The following UBE2L3 variants were observed in gnomAD, a reference collection of about 807,000 sequenced individuals.
UBE2L3 encodes the protein ubiquitin conjugating enzyme E2 L3.
UBE2L3 carries 1 observed loss-of-function variant against 17.8 expected under a neutral mutation model. The ratio of observed to expected loss-of-function variants is 0.06; its 90% CI spans 0.02 to 0.27. The LOEUF is 0.27. UBE2L3 is among the 10% of genes least tolerant of loss of function. The probability of loss-of-function intolerance (pLI) is 1.00; values close to 1 mark genes in which losing one functional copy is unlikely to be tolerated. For missense variants in UBE2L3, 40 were observed against 192.6 expected (o/e 0.21, Z 4.69); for synonymous variants, 44 against 68.5 (o/e 0.64, Z 1.76).
At chr22:21,555,967 T>C (rs1926210339) in intron 1 of UBE2L3, among the ~76,000 whole-genome samples, 3 of 152,114 alleles carry the variant, frequency 2.0e-5, no homozygotes, top group Admixed American at 2.0e-4. Context: ...CAGAATGGTG[T>C]CTTAAGCCTG....
chr22:21,600,512 A>G (rs565525425), intron 2 of UBE2L3, among the ~76,000 whole-genome samples: 2 of 151,846 alleles, frequency 1.3e-5, no homozygotes, highest in South Asian at 2.1e-4. Context: ...CCTGGCCAAC[A>G]TGGCAAAACC....
chr22:21,598,878 T>C (rs1045621696), intron 2 of UBE2L3, among the ~76,000 whole-genome samples: 1 of 151,308 alleles, frequency 6.6e-6, no homozygotes, highest in Non-Finnish European at 1.5e-5. Flanking sequence ...AGTCACTCTG[T>C]CTCCCAGGCT....
intron 3 of UBE2L3, among the ~76,000 whole-genome samples, chr22:21,618,471 A>C (rs1030216600): frequency 9.2e-5 from 14 of 151,924 alleles, no homozygotes; most frequent in Non-Finnish European, 1.9e-4. Flanking sequence ...AGGCTGAGGC[A>C]GGAGAATGGC....
rs150947879 is a variant in UBE2L3 at position 21,567,956 on chromosome 22, G to A, written c.27+185G>A. 1,309 of 1,391,896 alleles carry A rather than the reference G, an allele frequency of 9.4e-4. 25 individuals carry two copies. The East Asian group carries it at 0.032, about 34-fold the overall frequency. 86.2% of individuals were successfully genotyped at this position (1,391,896 alleles called of 1,614,324 possible). ...GGCTGGCCTAGGCCGCAGCCTGGGC[G>A]GGAGCGCAAGGCCGCGCTGGGAGCC... On this transcript the variant is annotated intron_variant, in intron 1 of 3. Transcript: ENST00000342192.
chr22:21,563,494 G>A (rs1249139118), upstream of UBE2L3, among the ~76,000 whole-genome samples: 2 of 148,428 alleles, frequency 1.3e-5, no homozygotes, highest in African/African-American at 4.9e-5. Flanking sequence ...CCCGGGAGGC[G>A]GAGGTTGCAG....
At chr22:21,588,340 G>A (rs1338412954) in intron 1 of UBE2L3, among the ~76,000 whole-genome samples, 1 of 151,920 alleles carries the variant, frequency 6.6e-6, no homozygotes, top group African/African-American at 2.4e-5. Flanking sequence ...ACCATTCTCA[G>A]TTATCGGGGC....
At chr22:21,603,529 T>TA (rs780658850) in intron 2 of UBE2L3, among the ~76,000 whole-genome samples, 810 of 79,950 alleles carry the variant, frequency 0.01, 6 homozygotes, top group East Asian at 0.038. Context: ...GACTCTGTCT[T>TA]AAAAAAAAAA....
rs185828870 is a variant in UBE2L3 at position 21,579,785 on chromosome 22, A to T, written c.27+12014A>T. Reference sequence around the variant, plus strand: ...GACCCTGTCTCAGGGGGAAAAAAAAAAGTCATGATTTTAGTGTCATTGCTA... The same window carrying T: ...GACCCTGTCTCAGGGGGAAAAAAAATAGTCATGATTTTAGTGTCATTGCTA... On this transcript the variant is annotated intron_variant, in intron 1 of 3. Transcript: ENST00000342192. 2.6e-3 allele frequency among the ~76,000 whole-genome samples: 392 copies of T among 152,228 alleles called. 2 individuals carry two copies. Among genetic ancestry groups the T allele is most frequent in the South Asian group, 4.8e-3 (23 of 4,824 alleles).
chr22:21,557,465 A>C (rs780388594), intron 1 of UBE2L3, among the ~76,000 whole-genome samples: 4 of 152,248 alleles, frequency 2.6e-5, no homozygotes, highest in Non-Finnish European at 4.4e-5. Context: ...TGTTGGGAGG[A>C]GGTATGCAGG....
intron 3 of UBE2L3, among the ~76,000 whole-genome samples, chr22:21,618,433 G>A (rs1418040383): frequency 6.6e-6 from 1 of 151,934 alleles, no homozygotes; most frequent in Admixed American, 6.6e-5. Context: ...GGGCATGGTG[G>A]CAGGTGCCTG....
chr22:21,584,203 A>T (rs1927809124), intron 1 of UBE2L3, among the ~76,000 whole-genome samples: 2 of 141,586 alleles, frequency 1.4e-5, no homozygotes, highest in Non-Finnish European at 1.5e-5. Flanking sequence ...TTTGAGACAG[A>T]GTCTCGCTCT....
intron 2 of UBE2L3, among the ~76,000 whole-genome samples, chr22:21,608,897 G>GT (rs1290469465): frequency 2.2e-4 from 33 of 150,758 alleles, no homozygotes; most frequent in African/African-American, 7.8e-4. Flanking sequence ...TGGCAGTTTT[G>GT]TTTTGTTTTT....
intron 3 of UBE2L3, among the ~76,000 whole-genome samples, chr22:21,619,858 A>C (rs1929964898): frequency 6.6e-6 from 1 of 152,114 alleles, no homozygotes; most frequent in Non-Finnish European, 1.5e-5. Flanking sequence ...TGCCTGGCTA[A>C]TTTTTGTATT....
In UBE2L3 at chr22:21,595,064, A is replaced by G. The variant is rs770301375; in HGVS notation, c.123+2108A>G. 2.6e-5 allele frequency among the ~76,000 whole-genome samples: 4 copies of G among 152,158 alleles called. No individual in the cohort carries two copies. In the South Asian group the frequency reaches 6.2e-4, roughly 24 times the overall value. On this transcript the variant is annotated intron_variant, in intron 2 of 3. Coordinates refer to ENST00000342192, the MANE Select transcript of UBE2L3 (RefSeq NM_003347.4). ...CTCTGGTTTCACGCTGGCAGGGGCT[A>G]TGGAGCAGTGGGCTAAGATCTTACT...
intron 3 of UBE2L3, among the ~76,000 whole-genome samples, chr22:21,616,750 C>G (rs1039464612): frequency 7.9e-5 from 12 of 151,100 alleles, no homozygotes; most frequent in Non-Finnish European, 1.2e-4. Flanking sequence ...AACACCCCCC[C>G]CCTTTTTTTA....
At chr22:21,556,481 G>C (rs112049699) in intron 1 of UBE2L3, among the ~76,000 whole-genome samples, 9,965 of 151,252 alleles carry the variant, frequency 0.066, 575 homozygotes, top group African/African-American at 0.23. Flanking sequence ...CCAGGCTGGA[G>C]TGCAGTGGCG....
chr22:21,582,941 T>C (rs936747767), intron 1 of UBE2L3, among the ~76,000 whole-genome samples: 1 of 152,154 alleles, frequency 6.6e-6, no homozygotes, highest in African/African-American at 2.4e-5. Context: ...AGGTCCTAGA[T>C]GGCGCCTAGG....
intron 1 of UBE2L3, among the ~76,000 whole-genome samples, chr22:21,578,784 G>A (rs1927461547): frequency 6.6e-6 from 1 of 152,046 alleles, no homozygotes; most frequent in East Asian, 1.9e-4. Context: ...CTCTTAGAAT[G>A]ACCACCTGAG....
At chr22:21,560,525 A>G (rs1324972084) in intron 1 of UBE2L3, among the ~76,000 whole-genome samples, 1 of 131,802 alleles carries the variant, frequency 7.6e-6, no homozygotes, top group African/African-American at 2.9e-5. Flanking sequence ...ATCTTGGCTC[A>G]CTGTAACTTC....
Sources: allele counts gnomAD v4.1 joint callset (sites outside exome capture counted in the v4.1 genomes callset), GRCh38; gene constraint gnomAD v4.1.1; transcripts MANE v1.5; gene names NCBI Gene and HGNC (gene_info 2026-07-23, HGNC 2026-07-21).